CSMD1: variants seen among roughly 807,000 people sequenced by gnomAD.
CSMD1 encodes the protein CUB and sushi domain-containing protein 1.
In CSMD1, 213 loss-of-function variants were observed where a neutral mutation model predicts 417.5. The ratio of observed to expected loss-of-function variants is 0.51; its 90% CI spans 0.46 to 0.57. The LOEUF (loss-of-function observed/expected upper bound fraction) is 0.57. Among genes scored for constraint, CSMD1 ranks in the 20% least tolerant of loss-of-function variants. The probability of loss-of-function intolerance (pLI) is 0.00; values close to 1 mark genes in which losing one functional copy is unlikely to be tolerated. For synonymous variants in CSMD1, 2,862 were observed against 1,736.8 expected, an observed-to-expected ratio of 1.65 and a Z score of -16.11; for missense variants, 6,923 against 4,529.7, an observed-to-expected ratio of 1.53 and a Z score of -15.17.
At position 4,283,252 on chromosome 8, in the gene CSMD1, TAGATG is replaced by T. The variant is rs150253954; in HGVS notation, c.415+136696_415+136700del. Among the ~76,000 whole-genome samples the T allele has an allele frequency of 4.7e-3, 709 of 152,322 alleles. 4 individuals carry two copies. The highest frequency in any genetic ancestry group is 8.3e-3 in the Non-Finnish European group (562 of 68,010). The stretch of plus-strand genomic sequence containing the variant: ...ATCCACTATCCTTTTGCAAACAGTT[TAGATG>T]AAGACTTTTAATGCACATTTTCCAT... On this transcript the variant is annotated intron_variant, in intron 3 of 69. Transcript: ENST00000635120.
intron 3 of CSMD1, among the ~76,000 whole-genome samples, chr8:4,102,797 T>C (rs776533100): frequency 8.5e-5 from 13 of 152,204 alleles, no homozygotes; most frequent in Non-Finnish European, 1.6e-4. Context: ...ATTTTTCTCC[T>C]TCAGCAGTTG....
At chr8:4,629,883 C>T (rs1476335054) in intron 2 of CSMD1, among the ~76,000 whole-genome samples, 1 of 152,124 alleles carries the variant, frequency 6.6e-6, no homozygotes, top group Non-Finnish European at 1.5e-5. Context: ...TTGTGTAAAT[C>T]TGAATGCTTT....
intron 1 of CSMD1, among the ~76,000 whole-genome samples, chr8:4,765,386 A>G (rs1422215338): frequency 6.6e-6 from 1 of 152,248 alleles, no homozygotes; most frequent in Non-Finnish European, 1.5e-5. Context: ...GGATTGTCAG[A>G]TAATACATTG....
rs2128909234 is a variant in CSMD1 at position 2,935,928 on chromosome 8, C to CTGTT, written c.*2653_*2656dup. Reference sequence around the variant, plus strand: ...TAAACAGCTCTGAAGCACGTGTCCTCTGTTAGTGTGTGGTCGCGTCCCTCA... The same window carrying CTGTT: ...TAAACAGCTCTGAAGCACGTGTCCTCTGTTTGTTAGTGTGTGGTCGCGTCCCTCA... On this transcript the variant is annotated 3_prime_UTR_variant, in exon 70 of 70. Transcript: ENST00000635120. 1 of 152,358 alleles carries CTGTT rather than the reference C, an allele frequency of 6.6e-6. No homozygotes were observed. The highest frequency in any genetic ancestry group is 1.9e-4 in the East Asian group (1 of 5,174). 9.4% of individuals were successfully genotyped at this position (152,358 alleles called of 1,614,324 possible).
At chr8:3,539,718 C>G (rs909770429) in intron 10 of CSMD1, among the ~76,000 whole-genome samples, 4 of 145,350 alleles carry the variant, frequency 2.8e-5, no homozygotes, top group Admixed American at 1.4e-4. Context: ...AAATTAAAAA[C>G]ATATCACACA....
At chr8:4,591,888 C>T (rs549945972) in intron 2 of CSMD1, among the ~76,000 whole-genome samples, 1 of 152,072 alleles carries the variant, frequency 6.6e-6, no homozygotes, top group South Asian at 2.1e-4. Context: ...GGTGGGGAGG[C>T]TGAAAGTTGG....
intron 3 of CSMD1, among the ~76,000 whole-genome samples, chr8:4,256,066 G>A (rs1258720934): frequency 6.6e-6 from 1 of 152,206 alleles, no homozygotes; most frequent in Non-Finnish European, 1.5e-5. Flanking sequence ...CATATTTCCT[G>A]TAAGTTGTAG....
chr8:3,132,352 C>T (rs1163914150), intron 41 of CSMD1, among the ~76,000 whole-genome samples: 1 of 151,552 alleles, frequency 6.6e-6, no homozygotes, highest in Non-Finnish European at 1.5e-5. Flanking sequence ...ACATAGACGG[C>T]CTTCAAAAAA....
chr8:4,140,505 C>CAAAG (rs112308120), intron 3 of CSMD1, among the ~76,000 whole-genome samples: 45,101 of 150,264 alleles, frequency 0.3, 8,400 homozygotes, highest in Non-Finnish European at 0.39. Context: ...AACAAACAAA[C>CAAAG]AAACAAACAA....
intron 3 of CSMD1, among the ~76,000 whole-genome samples, chr8:4,375,518 AT>A (rs909724303): frequency 4.6e-5 from 7 of 151,748 alleles, no homozygotes; most frequent in Non-Finnish European, 8.8e-5. Flanking sequence ...CATCAGAAGA[AT>A]TTTTTTTTCC....
intron 2 of CSMD1, among the ~76,000 whole-genome samples, chr8:4,501,350 G>C (rs887990225): frequency 6.6e-6 from 1 of 152,006 alleles, no homozygotes; most frequent in Non-Finnish European, 1.5e-5. Flanking sequence ...TCTCATTTAA[G>C]GTATTCTTTT....
chr8:3,435,559 G>A (rs749881023), intron 12 of CSMD1, among the ~76,000 whole-genome samples: 5 of 152,034 alleles, frequency 3.3e-5, no homozygotes, highest in African/African-American at 4.8e-5. Context: ...TGGAGACTTC[G>A]AATCAGCACA....
At chr8:3,672,266 C>G (rs1340368864) in intron 7 of CSMD1, among the ~76,000 whole-genome samples, 1 of 152,136 alleles carries the variant, frequency 6.6e-6, no homozygotes, top group East Asian at 1.9e-4. Context: ...TATATTAAAC[C>G]AAAGAGTCTT....
At chr8:3,641,012 G>A (rs1037702229) in intron 7 of CSMD1, among the ~76,000 whole-genome samples, 1 of 118,186 alleles carries the variant, frequency 8.5e-6, no homozygotes, top group Non-Finnish European at 1.8e-5. Flanking sequence ...TCTATTTTGT[G>A]TTCCTTTTTT....
intron 3 of CSMD1, among the ~76,000 whole-genome samples, chr8:4,097,106 C>A (rs557558308): frequency 6.6e-6 from 1 of 152,078 alleles, no homozygotes; most frequent in South Asian, 2.1e-4. Flanking sequence ...ACGGCTGTGC[C>A]TTCCCCTCTC....
intron 3 of CSMD1, among the ~76,000 whole-genome samples, chr8:4,112,883 G>A (rs751021660): frequency 3.3e-5 from 5 of 152,104 alleles, no homozygotes; most frequent in African/African-American, 9.7e-5. Flanking sequence ...TTGTACCAAC[G>A]TGGCATCAAG....
At chr8:3,270,097 C>T (rs930915770) in intron 26 of CSMD1, among the ~76,000 whole-genome samples, 24 of 136,926 alleles carry the variant, frequency 1.8e-4, no homozygotes, top group South Asian at 4.8e-4. Flanking sequence ...TTGCCCAGGG[C>T]GAAGTACAGT....
chr8:4,295,932 C>G (rs1435758047), intron 3 of CSMD1, among the ~76,000 whole-genome samples: 1 of 151,460 alleles, frequency 6.6e-6, no homozygotes, highest in African/African-American at 2.4e-5. Context: ...CTCAGGAACA[C>G]AGCATGTCCC....
At chr8:3,693,613 G>A (rs769594400) in intron 7 of CSMD1, among the ~76,000 whole-genome samples, 11 of 152,060 alleles carry the variant, frequency 7.2e-5, no homozygotes, top group Non-Finnish European at 1.0e-4. Context: ...TTCCATGAGA[G>A]AGACAATAAA....
Sources: gnomAD v4.1 joint callset for allele counts (sites outside exome capture counted in the v4.1 genomes callset) on GRCh38, gnomAD v4.1.1 for gene constraint, MANE v1.5 for transcripts, NCBI Gene and HGNC (gene_info 2026-07-23, HGNC 2026-07-21) for gene names.